The following BAZ2B variants were observed in gnomAD, a reference collection of about 807,000 sequenced individuals.
The protein encoded by BAZ2B is bromodomain adjacent to zinc finger domain 2B.
BAZ2B carries 91 observed loss-of-function variants against 246.0 expected under a neutral mutation model. The ratio of observed to expected loss-of-function variants is 0.37; its 90% CI spans 0.31 to 0.44. BAZ2B has a LOEUF of 0.44. Among genes scored for constraint, BAZ2B ranks in the 20% least tolerant of loss-of-function variants. The pLI is 1.00. For synonymous variants in BAZ2B, 855 were observed against 860.0 expected, an observed-to-expected ratio of 0.99 and a Z score of 0.10; for missense variants, 2,332 against 2,533.7, an observed-to-expected ratio of 0.92 and a Z score of 1.71.
At chr2:159,663,855 CTTTTTTTTTTTTTTTTTTTTT>C in the BAZ2B span, among the ~76,000 whole-genome samples, 21 of 92,492 alleles carry the variant, frequency 2.3e-4, no homozygotes, top group East Asian at 7.4e-3. Flanking sequence ...AAACCATTTT[CTTTTTTTTTTTTTTTTTTTTT>C]TTTTTTTTTT....
intron 16 of BAZ2B, 99 bp from the exon 17 acceptor site, chr2:159,400,763 A>T (rs891799772): frequency 7.2e-6 from 5 of 697,054 alleles, no homozygotes; most frequent in South Asian, 7.0e-5. Flanking sequence ...AGTACAGGTC[A>T]GGCGCAGTGG....
chr2:159,324,356 T>C (rs1275427956), intron 36 of BAZ2B, among the ~76,000 whole-genome samples: 1 of 152,196 alleles, frequency 6.6e-6, no homozygotes, highest in Non-Finnish European at 1.5e-5. Context: ...CTTCCAAAGA[T>C]CTTCTATTTC....
At chr2:159,604,707 C>T in intron 1 of BAZ2B, among the ~76,000 whole-genome samples, 1 of 151,920 alleles carries the variant, frequency 6.6e-6, no homozygotes, top group East Asian at 1.9e-4. Flanking sequence ...TTAGAGAATA[C>T]AATATCACAT....
At chr2:159,555,058 T>A (rs957664863) in intron 2 of BAZ2B, among the ~76,000 whole-genome samples, 1 of 148,140 alleles carries the variant, frequency 6.8e-6, no homozygotes, top group Admixed American at 6.8e-5. Context: ...TGGTATGTGG[T>A]GTATGTGGGG....
At chr2:159,379,464 A>G (rs1303906035) in intron 25 of BAZ2B, among the ~76,000 whole-genome samples, 2 of 152,178 alleles carry the variant, frequency 1.3e-5, no homozygotes, top group Non-Finnish European at 2.9e-5. Context: ...ACACTTAAAC[A>G]TTTATTAAGA....
the BAZ2B span, among the ~76,000 whole-genome samples, chr2:159,676,952 T>TTATATATATATA: frequency 3.5e-4 from 41 of 117,808 alleles, no homozygotes; most frequent in East Asian, 1.5e-3. Flanking sequence ...AATAGTTTTG[T>TTATATATATATA]TATATATATA....
At chr2:159,638,576 GA>G in the BAZ2B span, among the ~76,000 whole-genome samples, 1 of 152,048 alleles carries the variant, frequency 6.6e-6, no homozygotes, top group Non-Finnish European at 1.5e-5. Context: ...GAATCAAGCA[GA>G]AATTCTAGAG....
At chr2:159,697,066 G>T in the BAZ2B span, among the ~76,000 whole-genome samples, 1 of 152,168 alleles carries the variant, frequency 6.6e-6, no homozygotes, top group Non-Finnish European at 1.5e-5. Flanking sequence ...GATTACAGGT[G>T]TGAGTCACTG....
At chr2:159,513,135 G>A (rs2083094306) in intron 2 of BAZ2B, among the ~76,000 whole-genome samples, 2 of 152,088 alleles carry the variant, frequency 1.3e-5, no homozygotes, top group Non-Finnish European at 2.9e-5. Context: ...CAGTACTAAA[G>A]TGAGAATCAA....
chr2:159,680,963 T>C, the BAZ2B span, among the ~76,000 whole-genome samples: 1 of 152,004 alleles, frequency 6.6e-6, no homozygotes, highest in African/African-American at 2.4e-5. Context: ...ACAAAATCTA[T>C]TGGTAGAATG....
intron 33 of BAZ2B, among the ~76,000 whole-genome samples, chr2:159,336,045 C>T (rs1413247170): frequency 6.6e-6 from 1 of 152,120 alleles, no homozygotes; most frequent in Non-Finnish European, 1.5e-5. Flanking sequence ...CCTGTAATCC[C>T]AGTTACTCAG....
chr2:159,590,407 T>C lies in BAZ2B; in HGVS notation c.-46+25835A>G, dbSNP rs547307841. Reference sequence around the variant, plus strand: ...GAGTTCAAGGCCAGCCTGGCCAGCATGGTGAAACCCTGTCTCTACTAAAAA... The same window carrying C: ...GAGTTCAAGGCCAGCCTGGCCAGCACGGTGAAACCCTGTCTCTACTAAAAA... On this transcript the variant is annotated intron_variant, in intron 1 of 36. Coordinates refer to ENST00000392783, the MANE Select transcript of BAZ2B (RefSeq NM_013450.4). Among the ~76,000 whole-genome samples the C allele has an allele frequency of 1.1e-4, 17 of 151,690 alleles. No individual in the cohort carries two copies. The South Asian group carries it at 3.1e-3, about 28-fold the overall frequency.
the BAZ2B span, chr2:159,710,919 GA>G: frequency 6.6e-6 from 1 of 152,214 alleles, no homozygotes; most frequent in African/African-American, 2.4e-5. Flanking sequence ...GTCACAGAAA[GA>G]AACAATATTA....
intron 14 of BAZ2B, among the ~76,000 whole-genome samples, chr2:159,406,599 T>C (rs556516598): frequency 8.5e-5 from 13 of 152,300 alleles, no homozygotes; most frequent in African/African-American, 3.1e-4. Context: ...CATCACTTTG[T>C]ATTATACATT....
intron 3 of BAZ2B, chr2:159,461,140 T>G (rs1003042384): frequency 5.9e-5 from 9 of 152,528 alleles, no homozygotes; most frequent in Non-Finnish European, 8.8e-5. Flanking sequence ...CACGTTTTTT[T>G]TTTACATGTA....
At chr2:159,507,776 AG>A (rs1258297906) in intron 2 of BAZ2B, among the ~76,000 whole-genome samples, 13 of 152,218 alleles carry the variant, frequency 8.5e-5, no homozygotes, top group African/African-American at 3.1e-4. Flanking sequence ...TTTAAAAAGA[AG>A]GAACTTAAAC....
At chr2:159,565,505 G>A (rs1162712174) in intron 1 of BAZ2B, among the ~76,000 whole-genome samples, 8 of 152,116 alleles carry the variant, frequency 5.3e-5, no homozygotes, top group Non-Finnish European at 1.0e-4. Context: ...AAGGCCAGGC[G>A]TGGTGGCTCA....
chr2:159,572,076 C>A (rs11693108), intron 1 of BAZ2B, among the ~76,000 whole-genome samples: 1 of 151,852 alleles, frequency 6.6e-6, no homozygotes, highest in Admixed American at 6.6e-5. Flanking sequence ...CACTAAATTA[C>A]GGGATTTGTA....
chr2:159,559,685 A>T (rs751185579), intron 1 of BAZ2B, among the ~76,000 whole-genome samples: 2 of 152,168 alleles, frequency 1.3e-5, no homozygotes, highest in Non-Finnish European at 2.9e-5. Context: ...ATGAGGAAAA[A>T]AATATGTGAA....
Sources: gnomAD v4.1 joint callset for allele counts (sites outside exome capture counted in the v4.1 genomes callset) on GRCh38, gnomAD v4.1.1 for gene constraint, MANE v1.5 for transcripts, NCBI Gene and HGNC (gene_info 2026-07-23, HGNC 2026-07-21) for gene names.